The following APOBEC3F variants were observed in gnomAD, a reference collection of about 807,000 sequenced individuals.
APOBEC3F encodes the protein DNA dC->dU-editing enzyme APOBEC-3F.
In APOBEC3F, 34 loss-of-function variants were observed where a neutral mutation model predicts 45.8. The ratio of observed to expected loss-of-function variants is 0.74; its 90% CI spans 0.57 to 0.99. APOBEC3F has a LOEUF of 0.99. APOBEC3F is among the 50% of genes least tolerant of loss of function. The probability of loss-of-function intolerance (pLI) is 0.00; values close to 1 mark genes in which losing one functional copy is unlikely to be tolerated. For missense variants in APOBEC3F, 459 were observed against 474.1 expected, an observed-to-expected ratio of 0.97 and a Z score of 0.30; for synonymous variants, 192 against 174.4, an observed-to-expected ratio of 1.10 and a Z score of -0.80.
At position 39,055,432 on chromosome 22, in the gene APOBEC3F, A is replaced by G. The variant is rs1927659773; in HGVS notation, c.*2737A>G. Among the ~76,000 whole-genome samples, 1 of 149,882 alleles carries G rather than the reference A, an allele frequency of 6.7e-6. No individual in the cohort carries two copies. The highest frequency in any genetic ancestry group is 1.5e-5 in the Non-Finnish European group (1 of 67,790). ...CCCAGGCTGGAGTGCTAAATAGCAG[A>G]ATCACTGCTCACTGCAACCTCTGCC... On this transcript the variant is annotated 3_prime_UTR_variant, in exon 7 of 7. Transcript: ENST00000308521.
At chr22:39,043,540 C>T (rs1927038426) in intron 2 of APOBEC3F, among the ~76,000 whole-genome samples, 1 of 149,764 alleles carries the variant, frequency 6.7e-6, no homozygotes, top group Non-Finnish European at 1.5e-5. Flanking sequence ...GAACTTCTGA[C>T]CTCAGGTGAT....
In APOBEC3F at chr22:39,045,085, TTC is replaced by T. The variant is rs1927138237; in HGVS notation, c.317_318del (p.Phe106SerfsTer3). The T allele has an allele frequency of 1.2e-6, 2 of 1,613,798 alleles. No homozygotes were observed. The highest frequency in any genetic ancestry group is 3.3e-5 in the Admixed American group (2 of 59,958). ...GGACTGTGTGGCGAAGCTGGCCGAATTCCTGGCTGAGCACCCCAATGTCACCC... is the reference window on the plus strand; with the variant it reads ...GGACTGTGTGGCGAAGCTGGCCGAATCTGGCTGAGCACCCCAATGTCACCC... ...CPDCVAKLAE[F>X]LAEHPNVTLT... On this transcript the variant is annotated frameshift_variant, in exon 3 of 7. Transcript: ENST00000308521. LOFTEE classifies it high-confidence loss of function.
At chr22:39,043,715 T>C (rs2146341146) in intron 2 of APOBEC3F, among the ~76,000 whole-genome samples, 1 of 152,136 alleles carries the variant, frequency 6.6e-6, no homozygotes, top group Non-Finnish European at 1.5e-5. Context: ...ACACTGAGTC[T>C]TTGAAATGAG....
chr22:39,051,413 T>G (rs33968924), intron 5 of APOBEC3F, among the ~76,000 whole-genome samples: 2 of 151,002 alleles, frequency 1.3e-5, no homozygotes, highest in Non-Finnish European at 3.0e-5. Flanking sequence ...GGCGGGCGCC[T>G]GTAGTCCCAG....
In APOBEC3F at chr22:39,049,501, G is replaced by C; in HGVS notation, c.643G>C (p.Glu215Gln). Residue 215 changes from glutamate (E) to glutamine (Q), a missense_variant, in exon 5 of 7, where the codon GAA (glutamate) becomes CAA (glutamine). Physicochemically the swap from Glu to Gln is conservative, Grantham distance 29 (BLOSUM62 2). Coordinates refer to ENST00000308521, the MANE Select transcript of APOBEC3F (RefSeq NM_145298.6). ...KNLRKAYGRN[E>Q]SWLCFTMEVV... The stretch of plus-strand genomic sequence containing the variant: ...CCTACGCAAAGCCTATGGTCGGAAC[G>C]AAAGCTGGCTGTGCTTCACCATGGA... 6.2e-7 allele frequency: 1 copy of C among 1,614,040 alleles called. No homozygotes were observed. The highest frequency in any genetic ancestry group is 1.1e-5 in the South Asian group (1 of 91,070).
chr22:39,052,459 G>A, intron 6 of APOBEC3F, 106 bp downstream of exon 6: 1 of 1,573,946 alleles, frequency 6.4e-7, no homozygotes, highest in Non-Finnish European at 8.6e-7. Context: ...AAGCCTGCAG[G>A]GATGGCGCCA....
chr22:39,052,780 G>A lies in APOBEC3F; in HGVS notation c.*85G>A, dbSNP rs1927563223. The A allele has an allele frequency of 1.3e-6, 2 of 1,528,788 alleles. No individual in the cohort carries two copies. Among genetic ancestry groups the A allele is most frequent in the Non-Finnish European group, 1.7e-6 (2 of 1,142,956 alleles). The allele number at this position is 1,528,788 out of a possible 1,614,324, so 94.7% of individuals were successfully genotyped here. A position where few individuals can be genotyped will look rare whatever the true frequency, so the allele number is the denominator to read the frequency against. ...CTCCCCTCCATCCTGGACCAGCTGT[G>A]CTTTTGCCTGGTCATCCTGAGCCCC... On this transcript the variant is annotated 3_prime_UTR_variant, in exon 7 of 7. Coordinates refer to ENST00000308521, the MANE Select transcript of APOBEC3F (RefSeq NM_145298.6).
chr22:39,049,387 G>C, intron 4 of APOBEC3F, 38 bp from the exon 5 acceptor site: 4 of 1,607,616 alleles, frequency 2.5e-6, no homozygotes, highest in Non-Finnish European at 2.6e-6. Context: ...GGAATCCAGG[G>C]GGGTCTCTGC....
Position 39,049,464 on chromosome 22 carries a change from C to T in APOBEC3F, c.606C>T (p.Phe202=), listed in dbSNP as rs747325800. 10 of 1,613,976 alleles carry T rather than the reference C, an allele frequency of 6.2e-6. No homozygotes were observed. In the African/African-American group the frequency reaches 1.1e-4, roughly 17 times the overall value. Residue 202 remains phenylalanine, a synonymous_variant, in exon 5 of 7, where the codon TTC becomes TTT. Coordinates refer to ENST00000308521, the MANE Select transcript of APOBEC3F (RefSeq NM_145298.6). ...MEAMYPHIFY[F]HFKNLRKAYG... is the part of the protein sequence containing the mutation. Reference sequence around the variant, plus strand: ...CAATGTATCCACACATATTCTACTTCCACTTTAAAAACCTACGCAAAGCCT... The same window carrying T: ...CAATGTATCCACACATATTCTACTTTCACTTTAAAAACCTACGCAAAGCCT...
intron 1 of APOBEC3F, among the ~76,000 whole-genome samples, chr22:39,041,364 T>C (rs543477851): frequency 6.6e-6 from 1 of 152,198 alleles, no homozygotes; most frequent in African/African-American, 2.4e-5. Flanking sequence ...TTGTTCACAG[T>C]GCTTTGATGG....
chr22:39,048,420 A>T (rs543104980), intron 4 of APOBEC3F, among the ~76,000 whole-genome samples: 3 of 152,228 alleles, frequency 2.0e-5, no homozygotes, highest in Admixed American at 6.5e-5. Context: ...CACGCCTGTC[A>T]TCCCAGCACT....
chr22:39,052,426 G>C, intron 6 of APOBEC3F, 73 bp downstream of exon 6: 1 of 1,589,776 alleles, frequency 6.3e-7, no homozygotes, highest in Non-Finnish European at 8.6e-7. Flanking sequence ...CTGCAATGCC[G>C]TGGGGCGGGG....
At chr22:39,041,385 A>G (rs1316786520) in intron 1 of APOBEC3F, among the ~76,000 whole-genome samples, 1 of 152,184 alleles carries the variant, frequency 6.6e-6, no homozygotes, top group Admixed American at 6.5e-5. Flanking sequence ...ATTTTCTGTA[A>G]CATTTACTTT....
chr22:39,041,676 C>G (rs760223711), intron 1 of APOBEC3F, among the ~76,000 whole-genome samples: 2 of 152,014 alleles, frequency 1.3e-5, no homozygotes, highest in Non-Finnish European at 1.5e-5. Flanking sequence ...CCATCCTGAT[C>G]AACATGGATA....
Position 39,053,667 on chromosome 22 carries a change from G to A in APOBEC3F, c.*972G>A, listed in dbSNP as rs1927602413. 6.6e-6 allele frequency: 1 copy of A among 152,110 alleles called. No homozygotes were observed. Among genetic ancestry groups the A allele is most frequent in the African/African-American group, 2.4e-5 (1 of 41,410 alleles). 9.4% of individuals were successfully genotyped at this position (152,110 alleles called of 1,614,324 possible). A position where few individuals can be genotyped will look rare whatever the true frequency, so the allele number is the denominator to read the frequency against. ...GAAATGGGTATGAAAGTTGAAATGG[G>A]TATGTAAGTTGAAAACCAGAAGTTT... On this transcript the variant is annotated 3_prime_UTR_variant, in exon 7 of 7. Coordinates refer to ENST00000308521, the MANE Select transcript of APOBEC3F (RefSeq NM_145298.6).
At chr22:39,046,684 C>A (rs1280829695) in intron 4 of APOBEC3F, among the ~76,000 whole-genome samples, 1 of 151,130 alleles carries the variant, frequency 6.6e-6, no homozygotes, top group Admixed American at 6.6e-5. Context: ...ATGGTGCGAT[C>A]TCGGCTCACT....
rs1927148992 is a variant in APOBEC3F, at chr22:39,045,204, G to C, written c.435G>C (p.Lys145Asn). The C allele has an allele frequency of 6.2e-7, 1 of 1,613,974 alleles. No homozygotes were observed. The highest frequency in any genetic ancestry group is 8.5e-7 in the Non-Finnish European group (1 of 1,179,978). ...CRLSQAGARVKIMDDEEFAYC... is the reference protein window; with the variant it reads ...CRLSQAGARVNIMDDEEFAYC... The stretch of plus-strand genomic sequence containing the variant: ...TGAGTCAGGCAGGGGCCCGCGTGAA[G>C]ATTATGGACGATGAAGGTGAGAGGT... Residue 145 changes from lysine (K) to asparagine (N), a missense_variant, in exon 3 of 7, where the codon AAG becomes AAC. Coordinates refer to ENST00000308521, the MANE Select transcript of APOBEC3F (RefSeq NM_145298.6).
rs1286575783 is a variant in APOBEC3F, at chr22:39,054,046, C to T, written c.*1351C>T. ...TTTTTTCTTTGAAATGGAGTCTCGC[C>T]CTGTCACCCAGGCTGGAGTGCAATG... On this transcript the variant is annotated 3_prime_UTR_variant, in exon 7 of 7. Coordinates refer to ENST00000308521, the MANE Select transcript of APOBEC3F (RefSeq NM_145298.6). The T allele has an allele frequency of 6.6e-6, 1 of 151,944 alleles. No individual in the cohort carries two copies. Among genetic ancestry groups the T allele is most frequent in the African/African-American group, 2.4e-5 (1 of 41,308 alleles). The allele number at this position is 151,944 out of a possible 1,614,324, so 9.4% of individuals were successfully genotyped here.
At chr22:39,047,512 GAC>G (rs2146346053) in intron 4 of APOBEC3F, among the ~76,000 whole-genome samples, 1 of 152,294 alleles carries the variant, frequency 6.6e-6, no homozygotes, top group South Asian at 2.1e-4. Context: ...CCAGATCAGG[GAC>G]CACTGCCCGC....
Sources: gnomAD v4.1 joint callset for allele counts (sites outside exome capture counted in the v4.1 genomes callset) on GRCh38, gnomAD v4.1.1 for gene constraint, MANE v1.5 for transcripts, NCBI Gene and HGNC (gene_info 2026-07-23, HGNC 2026-07-21) for gene names.